Variants in FAM110B observed in about 807,000 individuals in gnomAD.
The protein encoded by FAM110B is protein FAM110B.
A neutral mutation model predicts 20.4 loss-of-function variants in FAM110B; 6 were observed. That is an observed-to-expected ratio of 0.29 (90% CI 0.16 to 0.58). The LOEUF (loss-of-function observed/expected upper bound fraction) is 0.58. FAM110B is among the 20% of genes least tolerant of loss of function. The probability of loss-of-function intolerance (pLI) is 0.90; values close to 1 mark genes in which losing one functional copy is unlikely to be tolerated. For missense variants in FAM110B, 434 were observed against 498.2 expected (o/e 0.87, Z 1.23); for synonymous variants, 226 against 214.1 (o/e 1.06, Z -0.49).
At chr8:58,066,559 A>G (rs1028376133) in intron 2 of FAM110B, among the ~76,000 whole-genome samples, 15 of 151,944 alleles carry the variant, frequency 9.9e-5, no homozygotes, top group Non-Finnish European at 1.5e-4. Context: ...AAAAAGAAAG[A>G]CTGCTGTTTG....
intron 3 of FAM110B, among the ~76,000 whole-genome samples, chr8:58,091,154 G>A (rs1425661505): frequency 6.6e-6 from 1 of 152,180 alleles, no homozygotes; most frequent in Admixed American, 6.5e-5. Context: ...TCGAAAAGGT[G>A]AACATGGTAA....
chr8:58,004,925 G>A (rs1275073393), intron 1 of FAM110B, among the ~76,000 whole-genome samples: 3 of 152,136 alleles, frequency 2.0e-5, no homozygotes, highest in Admixed American at 6.5e-5. Flanking sequence ...ACTGTCTCCC[G>A]AGAAGCGATA....
At chr8:58,039,179 T>C (rs1176665748) in intron 2 of FAM110B, among the ~76,000 whole-genome samples, 1 of 152,158 alleles carries the variant, frequency 6.6e-6, no homozygotes, top group East Asian at 1.9e-4. Flanking sequence ...ACAGGGCCCC[T>C]CCTTGCTGGC....
At chr8:58,012,999 C>A (rs929224072) in intron 1 of FAM110B, among the ~76,000 whole-genome samples, 1 of 152,032 alleles carries the variant, frequency 6.6e-6, no homozygotes, top group Non-Finnish European at 1.5e-5. Flanking sequence ...TGGGATGGCT[C>A]CCAGTGGCCC....
At chr8:57,996,439 T>A (rs1804186544) in intron 1 of FAM110B, among the ~76,000 whole-genome samples, 1 of 152,258 alleles carries the variant, frequency 6.6e-6, no homozygotes, top group Admixed American at 6.5e-5. Flanking sequence ...TCTGTGGTTT[T>A]AATTTTAGAT....
chr8:58,100,825 C>G (rs1368192660), intron 3 of FAM110B: 1 of 152,180 alleles, frequency 6.6e-6, no homozygotes, highest in Non-Finnish European at 1.5e-5. Flanking sequence ...TTAGAACTTA[C>G]ACTAATGAAT....
At chr8:58,083,115 T>A (rs966217787) in intron 3 of FAM110B, among the ~76,000 whole-genome samples, 1 of 152,216 alleles carries the variant, frequency 6.6e-6, no homozygotes, top group Non-Finnish European at 1.5e-5. Flanking sequence ...TCTATCTTTT[T>A]GCTCACTGCC....
At chr8:58,124,856 A>G (rs1807455545) in intron 3 of FAM110B, among the ~76,000 whole-genome samples, 1 of 152,232 alleles carries the variant, frequency 6.6e-6, no homozygotes, top group East Asian at 1.9e-4. Flanking sequence ...TTACATGATA[A>G]TGAGGAATTT....
Position 58,147,115 on chromosome 8 carries a change from C to T in FAM110B, c.885C>T (p.Asn295=), listed in dbSNP as rs748771219. 38 of 1,614,102 alleles carry T rather than the reference C, an allele frequency of 2.4e-5. No individual in the cohort carries two copies. The South Asian group carries it at 3.1e-4, about 13-fold the overall frequency. ...PEELENLGME[N]FARANSDIIS... is the part of the protein sequence containing the mutation. ...AGCTGGAAAACCTGGGAATGGAAAA[C>T]TTTGCAAGGGCTAATTCTGACATAA... The change falls in exon 4 of 4, where the codon AAC becomes AAT. Residue 295 remains asparagine (N), a synonymous_variant. Transcript: ENST00000519262.
At chr8:58,144,131 CA>C (rs1803802400) in intron 3 of FAM110B, among the ~76,000 whole-genome samples, 1 of 152,166 alleles carries the variant, frequency 6.6e-6, no homozygotes, top group Non-Finnish European at 1.5e-5. Context: ...TCCTCAGGCA[CA>C]AAGCTGAAGG....
chr8:58,066,445 G>C (rs1805763707), intron 2 of FAM110B, among the ~76,000 whole-genome samples: 1 of 152,188 alleles, frequency 6.6e-6, no homozygotes, highest in African/African-American at 2.4e-5. Context: ...TGCTGCCCAT[G>C]GCCTTTGGAG....
At position 58,146,088 on chromosome 8, in the gene FAM110B, G is replaced by A; in HGVS notation, c.-143G>A. ...GGCGGTTAATGAGCTGTGAGATGAG[G>A]CGCTGCTGCGGCCGCTGCTGCTGAC... On this transcript the variant is annotated 5_prime_UTR_variant, in exon 4 of 4. Coordinates refer to ENST00000519262, the MANE Select transcript of FAM110B (RefSeq NM_001377989.1). The A allele has an allele frequency of 3.3e-6, 3 of 920,622 alleles. No individual in the cohort carries two copies. The highest frequency in any genetic ancestry group is 4.8e-6 in the Non-Finnish European group (3 of 622,736). 57.0% of individuals were successfully genotyped at this position (920,622 alleles called of 1,614,324 possible). A position where few individuals can be genotyped will look rare whatever the true frequency, so the allele number is the denominator to read the frequency against.
At chr8:58,138,737 G>T (rs540146245) in intron 3 of FAM110B, among the ~76,000 whole-genome samples, 9 of 152,182 alleles carry the variant, frequency 5.9e-5, no homozygotes, top group Non-Finnish European at 8.8e-5. Context: ...CCACTTGGAG[G>T]ATCCTGTCAC....
intron 1 of FAM110B, among the ~76,000 whole-genome samples, chr8:58,009,576 TTAAA>T (rs1198875947): frequency 1.3e-5 from 2 of 152,246 alleles, no homozygotes. Flanking sequence ...ATTTATTGGG[TTAAA>T]TATATTATCA....
At chr8:58,138,300 G>A (rs946222409) in intron 3 of FAM110B, among the ~76,000 whole-genome samples, 2 of 152,208 alleles carry the variant, frequency 1.3e-5, no homozygotes, top group African/African-American at 4.8e-5. Flanking sequence ...TTTTCTGTTG[G>A]CCTCCTTTGA....
At chr8:58,071,859 T>G (rs969445803) in intron 2 of FAM110B, among the ~76,000 whole-genome samples, 2 of 152,230 alleles carry the variant, frequency 1.3e-5, no homozygotes, top group South Asian at 4.1e-4. Context: ...GAAATGAACC[T>G]GGGAACAGTC....
intron 3 of FAM110B, among the ~76,000 whole-genome samples, chr8:58,128,071 A>G (rs565379136): frequency 6.6e-6 from 1 of 152,322 alleles, no homozygotes; most frequent in South Asian, 2.1e-4. Context: ...GTTTTACTAT[A>G]AAAATATAGT....
chr8:58,005,058 C>T (rs1804372777), intron 1 of FAM110B, among the ~76,000 whole-genome samples: 1 of 152,218 alleles, frequency 6.6e-6, no homozygotes, highest in South Asian at 2.1e-4. Context: ...TAGTTTTGAC[C>T]TGTCGTGGCT....
At chr8:58,037,817 C>T in intron 2 of FAM110B, among the ~76,000 whole-genome samples, 1 of 152,098 alleles carries the variant, frequency 6.6e-6, no homozygotes, top group East Asian at 1.9e-4. Context: ...AATTGGAAAA[C>T]AGCCGTTACT....
Sources: allele counts gnomAD v4.1 joint callset (sites outside exome capture counted in the v4.1 genomes callset), GRCh38; gene constraint gnomAD v4.1.1; transcripts MANE v1.5; gene names NCBI Gene and HGNC (gene_info 2026-07-23, HGNC 2026-07-21).